Variants in XKR4 observed in about 807,000 individuals in gnomAD.
The protein encoded by XKR4 is XK-related protein 4.
Under a neutral mutation model 53.9 loss-of-function variants are expected in XKR4, and 12 were observed. The ratio of observed to expected loss-of-function variants is 0.22; its 90% CI spans 0.14 to 0.36. The LOEUF (loss-of-function observed/expected upper bound fraction) is 0.36. Among genes scored for constraint, XKR4 ranks in the 10% least tolerant of loss-of-function variants. XKR4 has a pLI of 1.00. For synonymous variants in XKR4, 354 were observed against 362.4 expected, an observed-to-expected ratio of 0.98 and a Z score of 0.26; for missense variants, 799 against 859.5, an observed-to-expected ratio of 0.93 and a Z score of 0.88.
rs62517361 is a variant in XKR4, at chr8:55,395,850, G to C, written c.1006+37973G>C. On this transcript the variant is annotated intron_variant, in intron 2 of 2. Coordinates refer to ENST00000327381, the MANE Select transcript of XKR4 (RefSeq NM_052898.2). ...CTGGCGGCTACAACAAATCACCATG[G>C]ACTGGGTGGCTTCAACAACAGACAT... Among the ~76,000 whole-genome samples the C allele has an allele frequency of 3.4e-3, 524 of 152,324 alleles. 5 individuals carry two copies. Among genetic ancestry groups the C allele is most frequent in the Non-Finnish European group, 4.4e-3 (299 of 68,030 alleles).
chr8:55,399,261 T>C (rs1190015873), intron 2 of XKR4, among the ~76,000 whole-genome samples: 1 of 152,116 alleles, frequency 6.6e-6, no homozygotes, highest in Non-Finnish European at 1.5e-5. Flanking sequence ...CTGCGCTCAT[T>C]ATGTCCACAT....
chr8:55,450,828 G>C, intron 2 of XKR4: 1 of 492,344 alleles, frequency 2.0e-6, no homozygotes, highest in East Asian at 4.9e-5. Context: ...TGTCCCAGCC[G>C]TCCTCCAGGC....
chr8:55,215,759 G>T (rs1817789124), intron 1 of XKR4, among the ~76,000 whole-genome samples: 1 of 152,124 alleles, frequency 6.6e-6, no homozygotes, highest in Non-Finnish European at 1.5e-5. Flanking sequence ...TTTAAACTGA[G>T]AAAGGACCTC....
chr8:55,339,382 A>G (rs1174979930), intron 1 of XKR4, among the ~76,000 whole-genome samples: 2 of 152,238 alleles, frequency 1.3e-5, no homozygotes, highest in African/African-American at 4.8e-5. Context: ...GAAAACATAT[A>G]TAAAGCATTT....
chr8:55,494,666 T>C (rs1408652408), intron 2 of XKR4, among the ~76,000 whole-genome samples: 1 of 152,084 alleles, frequency 6.6e-6, no homozygotes, highest in African/African-American at 2.4e-5. Flanking sequence ...GGTCATCCTA[T>C]CATCGTTTCA....
chr8:55,447,624 C>A (rs1043274181), intron 2 of XKR4, among the ~76,000 whole-genome samples: 1 of 152,100 alleles, frequency 6.6e-6, no homozygotes, highest in Non-Finnish European at 1.5e-5. Context: ...GATATCTGTC[C>A]ACTACTGTAT....
intron 1 of XKR4, among the ~76,000 whole-genome samples, chr8:55,117,734 C>T (rs557829557): frequency 1.2e-3 from 184 of 152,286 alleles, no homozygotes; most frequent in Non-Finnish European, 2.2e-3. Context: ...ATGCTTTTCC[C>T]ACTATATCTT....
chr8:55,357,885 C>G lies in XKR4; in HGVS notation c.1006+8C>G. ...GCTTACAGGCCCTCCAAGGTAAGGG[C>G]TTGCAATTTGGTTTCTGAATTTGGG... On this transcript the variant is annotated splice_region_variant and intron_variant, in intron 2 of 2. Coordinates refer to ENST00000327381, the MANE Select transcript of XKR4 (RefSeq NM_052898.2). The G allele has an allele frequency of 6.2e-7, 1 of 1,604,642 alleles. No individual in the cohort carries two copies. The highest frequency in any genetic ancestry group is 8.5e-7 in the Non-Finnish European group (1 of 1,172,748).
At chr8:55,111,382 G>A (rs145970775) in intron 1 of XKR4, among the ~76,000 whole-genome samples, 1 of 152,106 alleles carries the variant, frequency 6.6e-6, no homozygotes, top group African/African-American at 2.4e-5. Flanking sequence ...TAGTACCTAG[G>A]GTATATGCAC....
At chr8:55,375,104 A>G (rs1375721318) in intron 2 of XKR4, among the ~76,000 whole-genome samples, 2 of 152,226 alleles carry the variant, frequency 1.3e-5, no homozygotes, top group African/African-American at 4.8e-5. Context: ...GAGGAATTCC[A>G]TTGCCAGTGA....
At chr8:55,453,369 G>C in intron 2 of XKR4, 1 of 453,970 alleles carries the variant, frequency 2.2e-6, no homozygotes, top group Non-Finnish European at 4.5e-6. Context: ...TGCAGGTACA[G>C]TTCCCGGGTG....
chr8:55,243,088 C>A (rs1818234372), intron 1 of XKR4, among the ~76,000 whole-genome samples: 2 of 152,094 alleles, frequency 1.3e-5, no homozygotes, highest in South Asian at 4.2e-4. Context: ...ACAGAGGTTT[C>A]CCATATACCA....
chr8:55,243,856 A>T (rs867098167), intron 1 of XKR4, among the ~76,000 whole-genome samples: 27 of 152,222 alleles, frequency 1.8e-4, no homozygotes, highest in African/African-American at 6.3e-4. Flanking sequence ...ATCTCCCTGC[A>T]TGGTAGCGAT....
chr8:55,261,721 A>T (rs1818528545), intron 1 of XKR4, among the ~76,000 whole-genome samples: 1 of 152,192 alleles, frequency 6.6e-6, no homozygotes, highest in African/African-American at 2.4e-5. Context: ...AGCTGAGCAG[A>T]TTTCCTTCTG....
At chr8:55,350,170 G>A (rs1421234245) in intron 1 of XKR4, among the ~76,000 whole-genome samples, 2 of 152,072 alleles carry the variant, frequency 1.3e-5, no homozygotes, top group Admixed American at 1.3e-4. Flanking sequence ...ACCATTTTTT[G>A]TACTATAAAT....
At chr8:55,449,980 A>C (rs777927701) in intron 2 of XKR4, 1 of 826,214 alleles carries the variant, frequency 1.2e-6, no homozygotes, top group Non-Finnish European at 2.1e-6. Flanking sequence ...TTCCTCCTGC[A>C]GGTACATACC....
intron 1 of XKR4, among the ~76,000 whole-genome samples, chr8:55,355,941 C>T (rs913123013): frequency 2.6e-5 from 4 of 152,182 alleles, no homozygotes; most frequent in African/African-American, 9.7e-5. Context: ...CAATCTCCAA[C>T]TAAAACTGTG....
At chr8:55,395,503 G>A (rs114359560) in intron 2 of XKR4, among the ~76,000 whole-genome samples, 2,274 of 152,232 alleles carry the variant, frequency 0.015, 53 homozygotes, top group African/African-American at 0.051. Flanking sequence ...TGGGGAAGCA[G>A]ATGGACCCAG....
intron 2 of XKR4, among the ~76,000 whole-genome samples, chr8:55,439,593 G>A (rs542316618): frequency 8.5e-4 from 130 of 152,324 alleles, no homozygotes; most frequent in African/African-American, 2.9e-3. Flanking sequence ...AAATTTGTAT[G>A]TGTAGATTAA....
Sources: allele counts gnomAD v4.1 joint callset (sites outside exome capture counted in the v4.1 genomes callset), GRCh38; gene constraint gnomAD v4.1.1; transcripts MANE v1.5; gene names NCBI Gene and HGNC (gene_info 2026-07-23, HGNC 2026-07-21).